The following DSCAML1 variants were observed in gnomAD, a reference collection of about 807,000 sequenced individuals.
DSCAML1 encodes cell adhesion molecule DSCAML1.
Under a neutral mutation model 200.5 loss-of-function variants are expected in DSCAML1, and 38 were observed. That is an observed-to-expected ratio of 0.19 (90% confidence interval 0.15 to 0.25). DSCAML1 has a LOEUF of 0.25. Ranked by LOEUF, DSCAML1 falls within the 10% of genes least tolerant of loss-of-function variation. The pLI, the probability that DSCAML1 is intolerant of heterozygous loss-of-function variation, is 1.00. For synonymous variants in DSCAML1, 1,215 were observed against 1,165.0 expected (o/e 1.04, Z -0.87); for missense variants, 2,223 against 2,858.8 (o/e 0.78, Z 5.07).
chr11:117,605,048 C>A (rs77492882), intron 3 of DSCAML1, among the ~76,000 whole-genome samples: 5 of 152,142 alleles, frequency 3.3e-5, no homozygotes, highest in African/African-American at 7.2e-5. Context: ...CCTCTCCCTG[C>A]TCCCTGGTCT....
chr11:117,464,363 G>A (rs1257831937), intron 17 of DSCAML1, among the ~76,000 whole-genome samples: 1 of 152,110 alleles, frequency 6.6e-6, no homozygotes, highest in African/African-American at 2.4e-5. Context: ...TGGAGTGCAG[G>A]CATATTCCTG....
chr11:117,768,302 C>A (rs2054935081), intron 3 of DSCAML1, among the ~76,000 whole-genome samples: 1 of 152,170 alleles, frequency 6.6e-6, no homozygotes, highest in African/African-American at 2.4e-5. Flanking sequence ...TTGTTTCTGT[C>A]ATTCTATTCA....
In DSCAML1 at chr11:117,518,810, A is replaced by G. The variant is rs1448800369; in HGVS notation, c.1214-48T>C. ...TTCAGGGTCACCAAGCCATGGAGAG[A>G]CGGTCCCCCCAGCCACCCCACCTCA... On this transcript the variant is annotated intron_variant, in intron 6 of 32. Coordinates refer to ENST00000651296, the MANE Select transcript of DSCAML1 (RefSeq NM_020693.4). This position sits in a 1 kb window ranked among gnomAD's most constrained non-coding sequence, Gnocchi z 6.3. 3.8e-6 allele frequency: 6 copies of G among 1,559,638 alleles called. No individual in the cohort carries two copies. The South Asian group carries it at 6.0e-5, about 16-fold the overall frequency.
chr11:117,508,610 C>T (rs1774336532), intron 8 of DSCAML1, among the ~76,000 whole-genome samples: 1 of 151,946 alleles, frequency 6.6e-6, no homozygotes, highest in Admixed American at 6.5e-5. Flanking sequence ...TTGGTCCCTC[C>T]TAGGGGCCAA....
intron 1 of DSCAML1, among the ~76,000 whole-genome samples, chr11:117,795,826 G>A: frequency 6.6e-6 from 1 of 152,190 alleles, no homozygotes; most frequent in East Asian, 1.9e-4. Flanking sequence ...CTCCCCGGGT[G>A]GCAACCCTCC....
rs1565801949 is a variant in DSCAML1, at chr11:117,577,544, T to TTCCTTCCTTCCTTCCTTTCCTTCCC, written c.512-45023_512-45022insGGGAAGGAAAGGAAGGAAGGAAGGA. The stretch of plus-strand genomic sequence containing the variant: ...TTCCTTCCTTCCTTCCTTTCCTTCC[T>TTCCTTCCTTCCTTCCTTTCCTTCCC]TCCCTCCCTCCCTCCTTCCTTCTTT... On this transcript the variant is annotated intron_variant, in intron 3 of 32. Transcript: ENST00000651296. 4.0e-5 allele frequency among the ~76,000 whole-genome samples: 4 copies of TTCCTTCCTTCCTTCCTTTCCTTCCC among 99,160 alleles called. 2 individuals are homozygous for TTCCTTCCTTCCTTCCTTTCCTTCCC. Among genetic ancestry groups the TTCCTTCCTTCCTTCCTTTCCTTCCC allele is most frequent in the African/African-American group, 1.9e-4 (4 of 20,924 alleles). 65.1% of individuals were successfully genotyped at this position (99,160 alleles called of 152,430 possible).
intron 3 of DSCAML1, among the ~76,000 whole-genome samples, chr11:117,554,961 C>G (rs956327498): frequency 3.9e-5 from 6 of 152,222 alleles, no homozygotes; most frequent in Non-Finnish European, 8.8e-5. Context: ...GCTTCCACGT[C>G]CCCTGCCTCT....
At position 117,513,163 on chromosome 11, in the gene DSCAML1, G is replaced by A. The variant is rs536656214; in HGVS notation, c.1783+3304C>T. Among the ~76,000 whole-genome samples, 37 of 152,248 alleles carry A rather than the reference G, an allele frequency of 2.4e-4. 1 individual carries two copies. In the South Asian group the frequency reaches 6.9e-3, roughly 28 times the overall value. On this transcript the variant is annotated intron_variant, in intron 8 of 32. Coordinates refer to ENST00000651296, the MANE Select transcript of DSCAML1 (RefSeq NM_020693.4). ...TAAGGGAAATGGATACAGGCGGCCCGGCCCGTGATGCTGCTTAAAGGAGGC... is the reference window on the plus strand; with the variant it reads ...TAAGGGAAATGGATACAGGCGGCCCAGCCCGTGATGCTGCTTAAAGGAGGC...
In DSCAML1 at chr11:117,428,274, C is replaced by A; in HGVS notation, c.*54G>T. 1 of 993,934 alleles carries A rather than the reference C, an allele frequency of 1.0e-6. No individual in the cohort carries two copies. Among genetic ancestry groups the A allele is most frequent in the South Asian group, 1.4e-5 (1 of 72,556 alleles). 61.6% of individuals were successfully genotyped at this position (993,934 alleles called of 1,614,324 possible). On this transcript the variant is annotated 3_prime_UTR_variant, in exon 33 of 33. Coordinates refer to ENST00000651296, the MANE Select transcript of DSCAML1 (RefSeq NM_020693.4). ...TAATGCAGAAAAACAGCCGAGCTGG[C>A]GTGTGGGGCTGCGGCGCGGCGCGGT...
chr11:117,801,938 A>T (rs2055663094), upstream of DSCAML1: 1 of 152,238 alleles, frequency 6.6e-6, no homozygotes, highest in Non-Finnish European at 1.5e-5. Flanking sequence ...TCGGTTGAGA[A>T]GCCAACCCAG....
Position 117,503,823 on chromosome 11 carries a change from G to T in DSCAML1, c.2359+22C>A, listed in dbSNP as rs780864485. 10 of 1,608,906 alleles carry T rather than the reference G, an allele frequency of 6.2e-6. No homozygotes were observed. The African/African-American group carries it at 9.3e-5, about 15-fold the overall frequency. ...TGGCTGTGATTTGGGGGTGCTAGGG[G>T]GCGTGTGGGGACAGGACTCACTCTT... On this transcript the variant is annotated intron_variant, in intron 11 of 32. Transcript: ENST00000651296. This position sits in a 1 kb window ranked among gnomAD's most constrained non-coding sequence, Gnocchi z 5.2.
chr11:117,647,314 T>G (rs2052538685), intron 3 of DSCAML1, among the ~76,000 whole-genome samples: 1 of 152,224 alleles, frequency 6.6e-6, no homozygotes, highest in East Asian at 1.9e-4. Flanking sequence ...TTGAATTGAG[T>G]CAGGCTAATG....
intron 11 of DSCAML1, among the ~76,000 whole-genome samples, chr11:117,495,668 CT>C (rs763260404): frequency 7.2e-5 from 11 of 152,132 alleles, no homozygotes; most frequent in Non-Finnish European, 1.0e-4. Flanking sequence ...AGGGCACCCC[CT>C]GTCACCTCCA....
chr11:117,592,683 T>C (rs1321573443), intron 3 of DSCAML1, among the ~76,000 whole-genome samples: 1 of 152,230 alleles, frequency 6.6e-6, no homozygotes, highest in Non-Finnish European at 1.5e-5. Flanking sequence ...TTCAATAACA[T>C]AATCCCTTAA....
At position 117,780,873 on chromosome 11, in the gene DSCAML1, A is replaced by G; in HGVS notation, c.47-63T>C. On this transcript the variant is annotated intron_variant, in intron 1 of 32. Coordinates refer to ENST00000651296, the MANE Select transcript of DSCAML1 (RefSeq NM_020693.4). This position sits in a 1 kb window ranked among gnomAD's most constrained non-coding sequence, Gnocchi z 4.8. ...GGCTCTAACAATACCCATATAAGCC[A>G]CGGAGGCTTGCGACAGGCTGCACTC... 7.5e-7 allele frequency: 1 copy of G among 1,328,616 alleles called. No individual in the cohort carries two copies. Among genetic ancestry groups the G allele is most frequent in the Non-Finnish European group, 9.7e-7 (1 of 1,027,856 alleles). 82.3% of individuals were successfully genotyped at this position (1,328,616 alleles called of 1,614,324 possible).
At chr11:117,476,290 T>C (rs1404733564) in intron 14 of DSCAML1, among the ~76,000 whole-genome samples, 1 of 152,204 alleles carries the variant, frequency 6.6e-6, no homozygotes, top group Admixed American at 6.5e-5. Context: ...GGGACGCAGC[T>C]TGGAGAAAAG....
At chr11:117,797,291 C>T, upstream of DSCAML1, 2 of 1,325,736 alleles carry the variant, frequency 1.5e-6, no homozygotes, top group Non-Finnish European at 1.9e-6. Flanking sequence ...CCGCTCTCCC[C>T]GCCCCCCCGC....
chr11:117,678,424 T>C lies in DSCAML1; in HGVS notation c.511+98367A>G, dbSNP rs535389338. 5.9e-5 allele frequency among the ~76,000 whole-genome samples: 9 copies of C among 152,320 alleles called. No homozygotes were observed. The South Asian group carries it at 1.7e-3, about 28-fold the overall frequency. ...CATGAGGATATGGCAAAGAATAAAA[T>C]GGACAAAATCTTTGCCCTCTTGGAG... On this transcript the variant is annotated intron_variant, in intron 3 of 32. Coordinates refer to ENST00000651296, the MANE Select transcript of DSCAML1 (RefSeq NM_020693.4).
In DSCAML1 at chr11:117,613,525, G is replaced by A. The variant is rs138564973; in HGVS notation, c.512-81003C>T. ...CTGAAGCTGCTCACAGTCCTCTACC[G>A]AGAACAAGAAATCAAAAAGTCAACA... On this transcript the variant is annotated intron_variant, in intron 3 of 32. Transcript: ENST00000651296. Among the ~76,000 whole-genome samples the A allele has an allele frequency of 2.6e-4, 40 of 152,154 alleles. No individual in the cohort carries two copies. The East Asian group carries it at 5.8e-3, about 22-fold the overall frequency.
Sources: allele counts gnomAD v4.1 joint callset (sites outside exome capture counted in the v4.1 genomes callset), GRCh38; gene constraint gnomAD v4.1.1; non-coding constraint Gnocchi (gnomAD v3.1); transcripts MANE v1.5; gene names NCBI Gene and HGNC (gene_info 2026-07-23, HGNC 2026-07-21).